SCOC: variants seen among roughly 807,000 people sequenced by gnomAD.
SCOC encodes short coiled-coil protein, also known as short coiled coil protein.
A neutral mutation model predicts 9.9 loss-of-function variants in SCOC; 7 were observed. That is an observed-to-expected ratio of 0.71 (90% CI 0.40 to 1.33). The LOEUF (loss-of-function observed/expected upper bound fraction) is 1.33, where lower values mean the gene tolerates loss of function less well. Ranked by LOEUF, SCOC falls within the 40% of genes most tolerant of loss-of-function variation. The probability of loss-of-function intolerance (pLI) is 0.01; values close to 1 mark genes in which losing one functional copy is unlikely to be tolerated. For synonymous variants in SCOC, 19 were observed against 28.2 expected (o/e 0.67, Z 1.03); for missense variants, 66 against 89.7 (o/e 0.74, Z 1.07).
intron 2 of SCOC, among the ~76,000 whole-genome samples, chr4:140,365,049 T>G (rs972809040): frequency 2.0e-5 from 3 of 152,024 alleles, no homozygotes; most frequent in African/African-American, 7.3e-5. Context: ...AAAAAAAAGT[T>G]GTGAAGGTCA....
intron 1 of SCOC, among the ~76,000 whole-genome samples, chr4:140,258,747 T>C (rs1730565706): frequency 6.6e-6 from 1 of 152,230 alleles, no homozygotes; most frequent in South Asian, 2.1e-4. Flanking sequence ...TAGCTTGCAT[T>C]TTCTTCCCTT....
chr4:140,373,762 A>G, intron 1 of SCOC, 45 bp downstream of exon 1: 1 of 1,520,488 alleles, frequency 6.6e-7, no homozygotes, highest in Non-Finnish European at 8.8e-7. Flanking sequence ...CCAGGCGACT[A>G]GAGCTGCATC....
At chr4:140,362,285 T>TCC (rs1553941082) in intron 2 of SCOC, among the ~76,000 whole-genome samples, 6 of 17,800 alleles carry the variant, frequency 3.4e-4, no homozygotes, top group Non-Finnish European at 6.3e-4. Flanking sequence ...TTACTTCTTC[T>TCC]TCTTCTTCTT....
At chr4:140,299,565 A>G (rs1201561396) in intron 1 of SCOC, among the ~76,000 whole-genome samples, 1 of 152,236 alleles carries the variant, frequency 6.6e-6, no homozygotes. Context: ...TCAACTGGAG[A>G]TATCAAAGCT....
chr4:140,354,112 T>C (rs1458372936), intron 2 of SCOC, among the ~76,000 whole-genome samples: 3 of 152,374 alleles, frequency 2.0e-5, no homozygotes, highest in African/African-American at 7.2e-5. Context: ...GGCTCTACTA[T>C]TGTTTGTTCC....
chr4:140,347,480 G>C (rs1578836873), intron 2 of SCOC, among the ~76,000 whole-genome samples: 2 of 152,100 alleles, frequency 1.3e-5, no homozygotes, highest in South Asian at 4.1e-4. Flanking sequence ...CCACCGCACG[G>C]CTCAGGTTCC....
Position 140,289,571 on chromosome 4 carries a change from G to A in SCOC, c.-19+32161G>A, listed in dbSNP as rs113094855. ...CTCTGTGGGCAGACAGGGCAAATTC[G>A]TTTTGAGATTGGTACCCATACCTGT... is the stretch of plus-strand genomic sequence containing the variant. On this transcript the variant is annotated intron_variant, in intron 1 of 4. Coordinates refer to the SCOC transcript ENST00000394205. Among the ~76,000 whole-genome samples the A allele has an allele frequency of 9.3e-3, 1,419 of 152,290 alleles. 10 individuals carry two copies. Among genetic ancestry groups the A allele is most frequent in the Non-Finnish European group, 0.014 (922 of 68,020 alleles).
intron 1 of SCOC, among the ~76,000 whole-genome samples, chr4:140,295,690 C>T (rs1269588087): frequency 1.3e-5 from 2 of 151,958 alleles, no homozygotes; most frequent in African/African-American, 4.8e-5. Context: ...GCCTGTAATC[C>T]CAGCACTTTG....
chr4:140,350,914 GA>G (rs1257342198), intron 2 of SCOC, among the ~76,000 whole-genome samples: 1 of 152,080 alleles, frequency 6.6e-6, no homozygotes, highest in African/African-American at 2.4e-5. Flanking sequence ...TCTGGGCCAG[GA>G]ACAGTGGCTC....
chr4:140,318,871 G>T (rs1732410885), intron 1 of SCOC, among the ~76,000 whole-genome samples: 1 of 152,184 alleles, frequency 6.6e-6, no homozygotes. Flanking sequence ...GAGGGGTTTT[G>T]TCTGTGGCTC....
At chr4:140,376,405 G>A (rs1728344762) in intron 1 of SCOC, 1 of 152,132 alleles carries the variant, frequency 6.6e-6, no homozygotes, top group Admixed American at 6.5e-5. Flanking sequence ...GTAATGCTGT[G>A]GTCCACTGTA....
At chr4:140,276,001 TTTGTTG>T (rs544721089) in intron 1 of SCOC, among the ~76,000 whole-genome samples, 3 of 151,486 alleles carry the variant, frequency 2.0e-5, no homozygotes, top group Non-Finnish European at 2.9e-5. Flanking sequence ...TTTTTGTATT[TTTGTTG>T]TTGTTGTTGT....
Position 140,308,810 on chromosome 4 carries a change from C to CTG in SCOC, c.-18-34802_-18-34801dup, listed in dbSNP as rs200264984. Among the ~76,000 whole-genome samples, 6 of 152,186 alleles carry CTG rather than the reference C, an allele frequency of 3.9e-5. No individual in the cohort carries two copies. The East Asian group carries it at 7.7e-4, about 20-fold the overall frequency. ...CAGAGACAGGCTCTACTGTCTTGTT[C>CTG]TGTGTGTGTGGAGAAGGGGCATGCA... On this transcript the variant is annotated intron_variant, in intron 1 of 4. Transcript: ENST00000394205.
At chr4:140,357,504 C>T (rs1727282416) in intron 2 of SCOC, among the ~76,000 whole-genome samples, 1 of 152,226 alleles carries the variant, frequency 6.6e-6, no homozygotes, top group Admixed American at 6.5e-5. Context: ...ATTTGACTCT[C>T]AGCCTGGCAC....
chr4:140,309,405 G>A (rs1732085992), intron 1 of SCOC, among the ~76,000 whole-genome samples: 1 of 152,206 alleles, frequency 6.6e-6, no homozygotes. Context: ...GATGGGAAGT[G>A]TGCTGGAGAA....
rs759574615 is a variant in SCOC at position 140,373,670 on chromosome 4, C to G, written c.-98C>G. Reference sequence around the variant, plus strand: ...GGTCAGTTGGTCCAAGTGTCCCGGCCTGAGGTGTCGGCCGGATCCCTCCTT... The same window carrying G: ...GGTCAGTTGGTCCAAGTGTCCCGGCGTGAGGTGTCGGCCGGATCCCTCCTT... On this transcript the variant is annotated 5_prime_UTR_variant, in exon 1 of 4. Transcript: ENST00000608372. 3.2e-6 allele frequency: 5 copies of G among 1,551,210 alleles called. No homozygotes were observed. Among genetic ancestry groups the G allele is most frequent in the Non-Finnish European group, 4.4e-6 (5 of 1,146,962 alleles).
At chr4:140,301,422 C>T (rs1731807716) in intron 1 of SCOC, among the ~76,000 whole-genome samples, 3 of 152,166 alleles carry the variant, frequency 2.0e-5, no homozygotes, top group Admixed American at 2.0e-4. Flanking sequence ...AATTCCAACA[C>T]ACTCTTCACT....
chr4:140,371,181 G>C (rs1442811357), upstream of SCOC, among the ~76,000 whole-genome samples: 2 of 150,120 alleles, frequency 1.3e-5, no homozygotes, highest in Non-Finnish European at 2.9e-5. Context: ...CACCGCGCCT[G>C]GCCTGAATTC....
chr4:140,303,820 C>T (rs1315744481), intron 1 of SCOC, among the ~76,000 whole-genome samples: 1 of 152,164 alleles, frequency 6.6e-6, no homozygotes, highest in Non-Finnish European at 1.5e-5. Context: ...GTGGCTTAGT[C>T]CCTTCCCACT....
Sources: allele counts gnomAD v4.1 joint callset (sites outside exome capture counted in the v4.1 genomes callset), GRCh38; gene constraint gnomAD v4.1.1; transcripts MANE v1.5; gene names NCBI Gene and HGNC (gene_info 2026-07-23, HGNC 2026-07-21).